The following GADL1 variants were observed in gnomAD, a reference collection of about 807,000 sequenced individuals.
The protein encoded by GADL1 is GAD like acidic amino acid decarboxylase 1, also known as acidic amino acid decarboxylase GADL1.
A neutral mutation model predicts 69.5 loss-of-function variants in GADL1; 71 were observed. The ratio of observed to expected loss-of-function variants is 1.02; its 90% CI spans 0.84 to 1.25. GADL1 has a LOEUF of 1.25. Among genes scored for constraint, GADL1 ranks in the 50% most tolerant of loss-of-function variants. The pLI is 0.00. For synonymous variants in GADL1, 254 were observed against 214.4 expected, an observed-to-expected ratio of 1.18 and a Z score of -1.62; for missense variants, 737 against 631.8, an observed-to-expected ratio of 1.17 and a Z score of -1.79.
At chr3:30,767,289 AC>A (rs1559493568) in intron 14 of GADL1, among the ~76,000 whole-genome samples, 1 of 152,096 alleles carries the variant, frequency 6.6e-6, no homozygotes, top group East Asian at 1.9e-4. Context: ...GAGTTCTAAA[AC>A]ATATAAAAAT....
At chr3:30,871,627 T>C (rs1575243074) in intron 1 of GADL1, among the ~76,000 whole-genome samples, 2 of 151,914 alleles carry the variant, frequency 1.3e-5, no homozygotes, top group African/African-American at 4.8e-5. Context: ...GAACATGTAA[T>C]ATTTCTGGGA....
chr3:30,792,552 A>G (rs1696947291), intron 12 of GADL1, among the ~76,000 whole-genome samples: 1 of 152,146 alleles, frequency 6.6e-6, no homozygotes, highest in Non-Finnish European at 1.5e-5. Flanking sequence ...ACTCTAGCCT[A>G]GGTGACAGAG....
At position 30,854,518 on chromosome 3, in the gene GADL1, C is replaced by T. The variant is rs1456091005; in HGVS notation, c.428+181G>A. Among the ~76,000 whole-genome samples, 7 of 152,182 alleles carry T rather than the reference C, an allele frequency of 4.6e-5. No homozygotes were observed. The South Asian group carries it at 1.0e-3, about 23-fold the overall frequency. On this transcript the variant is annotated intron_variant, in intron 4 of 14. Coordinates refer to ENST00000282538, the MANE Select transcript of GADL1 (RefSeq NM_207359.3). ...AATAATGACTGCCTTTTCCATCTCA[C>T]GGTACCACTATTTAAATCAAATAGC...
intron 14 of GADL1, among the ~76,000 whole-genome samples, chr3:30,766,730 G>A (rs1575193767): frequency 6.6e-6 from 1 of 151,980 alleles, no homozygotes; most frequent in East Asian, 1.9e-4. Context: ...AGAGCAGGTG[G>A]CTCAGTCAGC....
chr3:30,859,433 C>G (rs1188104179), intron 2 of GADL1, among the ~76,000 whole-genome samples: 1 of 151,780 alleles, frequency 6.6e-6, no homozygotes, highest in East Asian at 1.9e-4. Context: ...TACTAAAATA[C>G]TATTCCATCA....
chr3:30,829,136 C>T (rs1444452994), intron 11 of GADL1, among the ~76,000 whole-genome samples: 1 of 148,474 alleles, frequency 6.7e-6, no homozygotes, highest in African/African-American at 2.5e-5. Context: ...TCCAAAACAG[C>T]CACGCAAATC....
intron 1 of GADL1, among the ~76,000 whole-genome samples, chr3:30,891,049 C>CTTCCTTCCTTCCTTCCTTCG: frequency 6.6e-6 from 1 of 151,942 alleles, no homozygotes; most frequent in Non-Finnish European, 1.5e-5. Context: ...TCCTTCCTTC[C>CTTCCTTCCTTCCTTCCTTCG]TTCCTTCCTT....
At chr3:30,768,699 T>TAA (rs912962792) in intron 14 of GADL1, among the ~76,000 whole-genome samples, 4 of 151,970 alleles carry the variant, frequency 2.6e-5, no homozygotes, top group African/African-American at 9.7e-5. Context: ...TCCTCTGAGA[T>TAA]AAAGATGAAG....
chr3:30,841,232 C>G (rs1484116938), intron 8 of GADL1, among the ~76,000 whole-genome samples: 1 of 152,216 alleles, frequency 6.6e-6, no homozygotes, highest in Non-Finnish European at 1.5e-5. Flanking sequence ...AATCCAGGCT[C>G]AAGTATTAGC....
intron 14 of GADL1, among the ~76,000 whole-genome samples, chr3:30,764,325 A>G (rs1696215642): frequency 6.6e-6 from 1 of 152,116 alleles, no homozygotes. Flanking sequence ...TCTGGTGTGT[A>G]GACTCTAAGA....
At chr3:30,805,431 A>C (rs373919667) in intron 11 of GADL1, among the ~76,000 whole-genome samples, 22 of 151,334 alleles carry the variant, frequency 1.5e-4, no homozygotes, top group African/African-American at 5.1e-4. Flanking sequence ...AGGTCAAAAT[A>C]ACTAAGATCC....
intron 11 of GADL1, among the ~76,000 whole-genome samples, chr3:30,826,619 A>G (rs1376183521): frequency 6.6e-6 from 1 of 151,924 alleles, no homozygotes; most frequent in African/African-American, 2.4e-5. Context: ...ACCGTTGGCC[A>G]AGATGCTGGA....
At chr3:30,735,784 T>G (rs916531125) in intron 14 of GADL1, among the ~76,000 whole-genome samples, 1 of 152,176 alleles carries the variant, frequency 6.6e-6, no homozygotes, top group East Asian at 1.9e-4. Context: ...AAGAAGGCAT[T>G]TTGAACATGG....
chr3:30,764,156 G>A (rs1418270737), intron 14 of GADL1, among the ~76,000 whole-genome samples: 3 of 117,606 alleles, frequency 2.6e-5, no homozygotes, highest in Admixed American at 1.7e-4. Context: ...TTACTGAAGT[G>A]ATTTTATACT....
In GADL1 at chr3:30,840,118, A is replaced by AT. The variant is rs944853879; in HGVS notation, c.787-1006dup. ...TGAAAGTTTAGTGCCTCTAAAAGTT[A>AT]TTTTTTTCTCCATTTAGCATGGAGC... On this transcript the variant is annotated intron_variant, in intron 8 of 14. Coordinates refer to ENST00000282538, the MANE Select transcript of GADL1 (RefSeq NM_207359.3). 3.3e-5 allele frequency among the ~76,000 whole-genome samples: 5 copies of AT among 152,050 alleles called. 1 individual carries two copies. Among genetic ancestry groups the AT allele is most frequent in the East Asian group, 3.9e-4 (2 of 5,152 alleles).
At chr3:30,730,410 T>C (rs1695438571) in intron 14 of GADL1, among the ~76,000 whole-genome samples, 1 of 152,206 alleles carries the variant, frequency 6.6e-6, no homozygotes, top group Non-Finnish European at 1.5e-5. Context: ...AAGAGAACTG[T>C]AAAAGCTTTT....
intron 14 of GADL1, among the ~76,000 whole-genome samples, chr3:30,758,101 C>T (rs1205217804): frequency 3.3e-5 from 5 of 152,208 alleles, no homozygotes; most frequent in Admixed American, 6.5e-5. Context: ...GTTTCCTGCA[C>T]AGCCAAGAGC....
intron 13 of GADL1, among the ~76,000 whole-genome samples, chr3:30,783,273 G>T (rs2125498334): frequency 6.6e-6 from 1 of 152,298 alleles, no homozygotes; most frequent in African/African-American, 2.4e-5. Flanking sequence ...TATGTGAATT[G>T]ACAGTGTAAG....
chr3:30,760,440 G>GCCA (rs1466049011), intron 14 of GADL1, among the ~76,000 whole-genome samples: 5 of 152,058 alleles, frequency 3.3e-5, no homozygotes, highest in African/African-American at 9.7e-5. Flanking sequence ...ACTTGTCATA[G>GCCA]CCACCAACTT....
Sources: gnomAD v4.1 joint callset for allele counts (sites outside exome capture counted in the v4.1 genomes callset) on GRCh38, gnomAD v4.1.1 for gene constraint, MANE v1.5 for transcripts, NCBI Gene and HGNC (gene_info 2026-07-23, HGNC 2026-07-21) for gene names.